TBX15: variants seen among roughly 807,000 people sequenced by gnomAD.
TBX15 encodes T-box transcription factor 15, also known as T-box transcription factor TBX15.
In TBX15, 18 loss-of-function variants were observed where a neutral mutation model predicts 53.9. That is an observed-to-expected ratio of 0.33 (90% CI 0.23 to 0.49). The LOEUF (loss-of-function observed/expected upper bound fraction) is 0.49, where lower values mean the gene tolerates loss of function less well. TBX15 is among the 20% of genes least tolerant of loss of function. The pLI is 0.98. For missense variants in TBX15, 692 were observed against 749.5 expected (o/e 0.92, Z 0.90); for synonymous variants, 295 against 278.0 (o/e 1.06, Z -0.61).
intron 6 of TBX15, among the ~76,000 whole-genome samples, chr1:118,906,960 C>G (rs1396062792): frequency 6.6e-6 from 1 of 152,220 alleles, no homozygotes; most frequent in Non-Finnish European, 1.5e-5. Flanking sequence ...AAAACAACTT[C>G]CTTGTGATAC....
intron 2 of TBX15, among the ~76,000 whole-genome samples, chr1:118,927,207 G>C (rs1043295664): frequency 2.0e-5 from 3 of 151,976 alleles, no homozygotes; most frequent in African/African-American, 7.3e-5. Context: ...TACTCTCCAA[G>C]GGTTCAACCC....
intron 1 of TBX15, among the ~76,000 whole-genome samples, chr1:118,971,583 G>A (rs1050222965): frequency 5.3e-5 from 8 of 152,210 alleles, no homozygotes; most frequent in African/African-American, 1.9e-4. Flanking sequence ...TATAATTCAA[G>A]GAAAAATATG....
rs1653870213 is a variant in TBX15, at chr1:118,884,854, C to T, written c.1687G>A (p.Glu563Lys). The T allele has an allele frequency of 6.2e-7, 1 of 1,614,128 alleles. No homozygotes were observed. The highest frequency in any genetic ancestry group is 2.2e-5 in the East Asian group (1 of 44,874). Residue 563 changes from glutamate to lysine, a missense_variant, in exon 8 of 8, where the codon GAG becomes AAG. Glu to Lys is a moderately conservative substitution (Grantham distance 56, BLOSUM62 1). Transcript: ENST00000369429. The stretch of plus-strand genomic sequence containing the variant: ...GGGCTAATCATGTGCATGCTGTGCT[C>T]CATCCCTGACGGCAGGTACTGCCTC... ...GERQYLPSGM[E>K]HSMHMISPSP...
At chr1:118,901,697 A>T (rs1654635080) in intron 6 of TBX15, among the ~76,000 whole-genome samples, 1 of 152,174 alleles carries the variant, frequency 6.6e-6, no homozygotes, top group African/African-American at 2.4e-5. Flanking sequence ...TTGAATGGTT[A>T]TCCACCTCTG....
chr1:118,914,829 A>T (rs1050140093), intron 5 of TBX15, among the ~76,000 whole-genome samples: 1 of 152,192 alleles, frequency 6.6e-6, no homozygotes, highest in Non-Finnish European at 1.5e-5. Context: ...ATGGGGCAGG[A>T]TGCAGTACAT....
At chr1:118,948,442 G>T (rs1656410320) in intron 1 of TBX15, among the ~76,000 whole-genome samples, 1 of 152,180 alleles carries the variant, frequency 6.6e-6, no homozygotes, top group Admixed American at 6.5e-5. Context: ...GGGATTCTGA[G>T]ACCACCAGCA....
At chr1:118,966,199 G>A (rs1024337187) in intron 1 of TBX15, among the ~76,000 whole-genome samples, 3 of 152,300 alleles carry the variant, frequency 2.0e-5, no homozygotes, top group East Asian at 3.9e-4. Context: ...ATGAAAAGAA[G>A]AATAGAACCA....
rs17022678 is a variant in TBX15, at chr1:118,885,064, G to C, written c.1477C>G (p.Pro493Ala). Residue 493 changes from proline (P) to alanine (A), a missense_variant, in exon 8 of 8, where the codon CCA becomes GCA. Around this residue, in one of 3 missense-constraint regions of TBX15, gnomAD observed 375 missense variants for 371.6 expected, o/e 1.01. Transcript: ENST00000369429. ...AGNAASSSSS[P>A]HMFGGSHMQQ... is the part of the protein sequence containing the mutation. ...ATGTGGCTGCCCCCGAACATGTGTG[G>C]TGATGAGGAGCTGGAGGCAGCATTG... 4.9e-3 allele frequency: 7,904 copies of C among 1,614,140 alleles called. 306 individuals are homozygous for C. In the African/African-American group the frequency reaches 0.093, roughly 19 times the overall value.
At chr1:118,973,797 C>G (rs904511164) in intron 1 of TBX15, among the ~76,000 whole-genome samples, 2 of 152,238 alleles carry the variant, frequency 1.3e-5, no homozygotes, top group African/African-American at 4.8e-5. Context: ...CGCACACACA[C>G]TGGCTGAGGC....
rs1281970261 is a variant in TBX15 at position 118,884,562 on chromosome 1, G to A, written c.*170C>T. 1.3e-6 allele frequency: 1 copy of A among 791,222 alleles called. No homozygotes were observed. The highest frequency in any genetic ancestry group is 2.0e-6 in the Non-Finnish European group (1 of 511,678). The allele number at this position is 791,222 out of a possible 1,614,324, so 49.0% of individuals were successfully genotyped here. A position where few individuals can be genotyped will look rare whatever the true frequency, so the allele number is the denominator to read the frequency against. ...GATTCTATCGCAAGTATCCTTCACT[G>A]GCTTAAAGGTATCTCTTGTTCTTGG... is the stretch of plus-strand genomic sequence containing the variant. On this transcript the variant is annotated 3_prime_UTR_variant, in exon 8 of 8. Coordinates refer to ENST00000369429, the MANE Select transcript of TBX15 (RefSeq NM_001330677.2).
At chr1:118,888,882 T>C (rs1654038371) in intron 7 of TBX15, among the ~76,000 whole-genome samples, 1 of 151,790 alleles carries the variant, frequency 6.6e-6, no homozygotes, top group African/African-American at 2.4e-5. Context: ...ATGGTACTGA[T>C]TTAAGGCCTC....
chr1:118,884,593 T>A lies in TBX15; in HGVS notation c.*139A>T, dbSNP rs1210828782. On this transcript the variant is annotated 3_prime_UTR_variant, in exon 8 of 8. Transcript: ENST00000369429. ...AAGGTATCTCTTGTTCTTGGGTATATGTCTTCGGCCAGAAAAAAAAAAAAA... is the reference window on the plus strand; with the variant it reads ...AAGGTATCTCTTGTTCTTGGGTATAAGTCTTCGGCCAGAAAAAAAAAAAAA... The A allele has an allele frequency of 9.4e-7, 1 of 1,059,368 alleles. No individual in the cohort carries two copies. Among genetic ancestry groups the A allele is most frequent in the South Asian group, 1.6e-5 (1 of 61,724 alleles). The allele number at this position is 1,059,368 out of a possible 1,614,324, so 65.6% of individuals were successfully genotyped here.
At chr1:118,932,337 C>T (rs1655821896) in intron 1 of TBX15, among the ~76,000 whole-genome samples, 1 of 152,172 alleles carries the variant, frequency 6.6e-6, no homozygotes, top group Non-Finnish European at 1.5e-5. Flanking sequence ...AGAAATTTTT[C>T]CTCTACTTAC....
chr1:118,938,267 T>C (rs1656029436), intron 1 of TBX15, among the ~76,000 whole-genome samples: 2 of 152,150 alleles, frequency 1.3e-5, no homozygotes, highest in African/African-American at 4.8e-5. Flanking sequence ...GCCCTCCAAG[T>C]TCTATTTGGG....
At chr1:118,914,291 A>C in intron 5 of TBX15, 112 bp from the exon 6 acceptor site, 2 of 1,035,908 alleles carry the variant, frequency 1.9e-6, no homozygotes, top group Non-Finnish European at 2.9e-6. Context: ...GCTTTTATTT[A>C]ATTTCCTTTC....
At chr1:118,917,374 CA>C (rs1655273979) in intron 5 of TBX15, among the ~76,000 whole-genome samples, 1 of 152,052 alleles carries the variant, frequency 6.6e-6, no homozygotes, top group Non-Finnish European at 1.5e-5. Context: ...ATGATGAGAA[CA>C]CATAGACACA....
intron 1 of TBX15, among the ~76,000 whole-genome samples, chr1:118,937,530 C>A (rs1656008997): frequency 6.6e-6 from 1 of 152,122 alleles, no homozygotes; most frequent in African/African-American, 2.4e-5. Flanking sequence ...TGCTTTGCCC[C>A]ATCTCATGTG....
rs1322919205 is a variant in TBX15, at chr1:118,885,236, A to G, written c.1305T>C (p.Ser435=). The part of the protein sequence containing the change: ...QSGTTSATQP[S]ETFMPQRTPS... ...GAGTCCTCTGAGGCATGAAGGTTTCAGAGGGCTGAGTGGCTGAAGTGGTGC... is the reference window on the plus strand; with the variant it reads ...GAGTCCTCTGAGGCATGAAGGTTTCGGAGGGCTGAGTGGCTGAAGTGGTGC... The change falls in exon 8 of 8, where the codon TCT becomes TCC. Residue 435 remains serine (S), a synonymous_variant. Coordinates refer to ENST00000369429, the MANE Select transcript of TBX15 (RefSeq NM_001330677.2). 9 of 1,614,050 alleles carry G rather than the reference A, an allele frequency of 5.6e-6. No individual in the cohort carries two copies. Among genetic ancestry groups the G allele is most frequent in the East Asian group, 2.2e-5 (1 of 44,870 alleles).
At position 118,884,177 on chromosome 1, in the gene TBX15, A is replaced by C. The variant is rs1488402092; in HGVS notation, c.*555T>G. The C allele has an allele frequency of 1.3e-5, 2 of 157,256 alleles. No individual in the cohort carries two copies. The highest frequency in any genetic ancestry group is 2.8e-5 in the Non-Finnish European group (2 of 70,978). The allele number at this position is 157,256 out of a possible 1,614,324, so 9.7% of individuals were successfully genotyped here. A position where few individuals can be genotyped will look rare whatever the true frequency, so the allele number is the denominator to read the frequency against. ...GAAGCAGAGGAAGCTGCAGGGGAGA[A>C]AGACTGGCAGCTACTGCTGGCCCAC... On this transcript the variant is annotated 3_prime_UTR_variant, in exon 8 of 8. Transcript: ENST00000369429.
Sources: gnomAD v4.1 joint callset for allele counts (sites outside exome capture counted in the v4.1 genomes callset) on GRCh38, gnomAD v4.1.1 for gene constraint, gnomAD v4.1.1 regional missense constraint, MANE v1.5 for transcripts, NCBI Gene and HGNC (gene_info 2026-07-23, HGNC 2026-07-21) for gene names.